Variants in CAST observed in about 807,000 individuals in gnomAD.
CAST encodes calpastatin.
In CAST, 76 loss-of-function variants were observed where a neutral mutation model predicts 119.6. That is an observed-to-expected ratio of 0.64 (90% CI 0.53 to 0.77). CAST has a LOEUF of 0.77. Among genes scored for constraint, CAST ranks in the 30% least tolerant of loss-of-function variants. The pLI is 0.00. For missense variants in CAST, 953 were observed against 946.5 expected, an observed-to-expected ratio of 1.01 and a Z score of -0.09; for synonymous variants, 319 against 331.6, an observed-to-expected ratio of 0.96 and a Z score of 0.41.
At chr5:96,742,341 T>C (rs916476762) in intron 15 of CAST, 4 of 200,478 alleles carry the variant, frequency 2.0e-5, no homozygotes, top group Non-Finnish European at 4.0e-5. Flanking sequence ...ACTTGCTTCT[T>C]TTTTTTTTGT....
the CAST span, among the ~76,000 whole-genome samples, chr5:96,467,596 T>G: frequency 6.6e-6 from 1 of 152,088 alleles, no homozygotes; most frequent in Non-Finnish European, 1.5e-5. Context: ...TGCAGCATGG[T>G]ACCCTGGATT....
At chr5:96,383,621 T>C in the CAST span, among the ~76,000 whole-genome samples, 1 of 152,180 alleles carries the variant, frequency 6.6e-6, no homozygotes, top group Admixed American at 6.5e-5. Flanking sequence ...AATTTTTTTG[T>C]ATTTTTAGTA....
chr5:96,042,269 G>A, the CAST span, among the ~76,000 whole-genome samples: 1 of 152,158 alleles, frequency 6.6e-6, no homozygotes, highest in African/African-American at 2.4e-5. Context: ...TCCTAGTTAT[G>A]CAAGCCAATA....
intron 1 of CAST, among the ~76,000 whole-genome samples, chr5:96,577,147 G>C (rs1174960472): frequency 6.6e-6 from 1 of 152,064 alleles, no homozygotes; most frequent in East Asian, 1.9e-4. Flanking sequence ...CCATGTCCCA[G>C]TTTGTGGTTT....
chr5:96,663,075 G>A (rs891716459), intron 1 of CAST: 2 of 701,636 alleles, frequency 2.9e-6, no homozygotes, highest in African/African-American at 1.7e-5. Context: ...CGCCTCCAAC[G>A]CAACACCCCG....
At chr5:96,502,486 G>C in the CAST span, among the ~76,000 whole-genome samples, 1 of 151,572 alleles carries the variant, frequency 6.6e-6, no homozygotes, top group Middle Eastern at 3.2e-3. Flanking sequence ...AAAGATTAAA[G>C]AAATTGTTTA....
At chr5:96,199,455 A>G in the CAST span, among the ~76,000 whole-genome samples, 1 of 152,180 alleles carries the variant, frequency 6.6e-6, no homozygotes, top group African/African-American at 2.4e-5. Context: ...CAGCTTAAAT[A>G]TGATTTCTCC....
At chr5:96,729,035 AGCGGGC>A in intron 6 of CAST, 112 bp from the exon 7 acceptor site, 1 of 662,508 alleles carries the variant, frequency 1.5e-6, no homozygotes, top group South Asian at 1.9e-5. Context: ...AGTGGGCCTA[AGCGGGC>A]TTTTCCTGAA....
At chr5:96,321,877 A>T in the CAST span, among the ~76,000 whole-genome samples, 34 of 152,180 alleles carry the variant, frequency 2.2e-4, no homozygotes, top group African/African-American at 8.0e-4. Flanking sequence ...TTATTTCTGT[A>T]TAATGCCATG....
the CAST span, among the ~76,000 whole-genome samples, chr5:96,507,842 C>T: frequency 3.9e-5 from 6 of 152,178 alleles, no homozygotes; most frequent in East Asian, 9.7e-4. Flanking sequence ...TTTTAATCCA[C>T]TCCCTTTCAT....
chr5:96,425,116 A>T, the CAST span, among the ~76,000 whole-genome samples: 1 of 152,206 alleles, frequency 6.6e-6, no homozygotes, highest in African/African-American at 2.4e-5. Context: ...TCTAACCCTT[A>T]TGCAACAAGA....
the CAST span, among the ~76,000 whole-genome samples, chr5:96,298,873 T>C: frequency 1.0e-5 from 1 of 98,662 alleles, no homozygotes; most frequent in African/African-American, 4.0e-5. Context: ...GACCCTAAAT[T>C]AGGAGAGTGT....
intron 1 of CAST, among the ~76,000 whole-genome samples, chr5:96,542,223 T>C (rs960511864): frequency 6.7e-6 from 1 of 148,242 alleles, no homozygotes; most frequent in African/African-American, 2.5e-5. Context: ...GGCAGAAGAA[T>C]GGCGTGAACC....
Position 96,625,533 on chromosome 5 carries a change from T to C in CAST, c.61-50006T>C, listed in dbSNP as rs568357616. The stretch of plus-strand genomic sequence containing the variant: ...CCCCTATCCTCTCTGTGCTTCCAGT[T>C]TCTCATCAGTGAAATGACCTAAGCT... On this transcript the variant is annotated intron_variant, in intron 1 of 11. Transcript: ENST00000505143. Among the ~76,000 whole-genome samples the C allele has an allele frequency of 2.0e-5, 3 of 152,346 alleles. No homozygotes were observed. The South Asian group carries it at 6.2e-4, about 32-fold the overall frequency.
intron 1 of CAST, among the ~76,000 whole-genome samples, chr5:96,617,811 A>C (rs1747498475): frequency 6.9e-6 from 1 of 144,080 alleles, no homozygotes. Context: ...AAAAAAAAAA[A>C]AAAAAAAAAA....
At chr5:95,963,552 A>G in the CAST span, among the ~76,000 whole-genome samples, 2 of 152,250 alleles carry the variant, frequency 1.3e-5, no homozygotes, top group Non-Finnish European at 2.9e-5. Context: ...TAGTAGAGAT[A>G]TTAAGGTAAT....
chr5:96,555,583 G>A (rs574896686), intron 1 of CAST, among the ~76,000 whole-genome samples: 11 of 152,274 alleles, frequency 7.2e-5, no homozygotes, highest in Admixed American at 2.0e-4. Flanking sequence ...ATTATATCCC[G>A]CACCTGGCTT....
the CAST span, among the ~76,000 whole-genome samples, chr5:96,152,137 T>G: frequency 6.6e-6 from 1 of 152,168 alleles, no homozygotes; most frequent in Non-Finnish European, 1.5e-5. Flanking sequence ...GTTGGAAGCA[T>G]GCCATGCAAA....
At chr5:96,094,130 A>C in the CAST span, among the ~76,000 whole-genome samples, 7 of 152,232 alleles carry the variant, frequency 4.6e-5, no homozygotes, top group Non-Finnish European at 1.0e-4. Context: ...TGTTAAATAC[A>C]CAGAAAAAGA....
Sources: gnomAD v4.1 joint callset for allele counts (sites outside exome capture counted in the v4.1 genomes callset) on GRCh38, gnomAD v4.1.1 for gene constraint, MANE v1.5 for transcripts, NCBI Gene and HGNC (gene_info 2026-07-23, HGNC 2026-07-21) for gene names.